SLC24A2: variants seen among roughly 807,000 people sequenced by gnomAD.
SLC24A2 encodes the protein solute carrier family 24 member 2.
SLC24A2 carries 36 observed loss-of-function variants against 62.0 expected under a neutral mutation model. That is an observed-to-expected ratio of 0.58 (90% confidence interval 0.44 to 0.77). The LOEUF is 0.77. Among genes scored for constraint, SLC24A2 ranks in the 30% least tolerant of loss-of-function variants. The probability of loss-of-function intolerance (pLI) is 0.00; values close to 1 mark genes in which losing one functional copy is unlikely to be tolerated. For synonymous variants in SLC24A2, 358 were observed against 294.0 expected (o/e 1.22, Z -2.23); for missense variants, 846 against 817.9 (o/e 1.03, Z -0.42).
chr9:19,709,436 T>C (rs199748995), intron 2 of SLC24A2, among the ~76,000 whole-genome samples: 3 of 152,172 alleles, frequency 2.0e-5, no homozygotes, highest in African/African-American at 7.2e-5. Flanking sequence ...AATCATGCCG[T>C]TATAAAGACA....
chr9:19,708,477 G>C (rs1820604983), intron 2 of SLC24A2, among the ~76,000 whole-genome samples: 1 of 152,142 alleles, frequency 6.6e-6, no homozygotes, highest in African/African-American at 2.4e-5. Flanking sequence ...AACAAAGCTG[G>C]AGCCATCACG....
the SLC24A2 span, among the ~76,000 whole-genome samples, chr9:20,111,517 C>T: frequency 1.3e-5 from 2 of 152,020 alleles, no homozygotes; most frequent in African/African-American, 2.4e-5. Flanking sequence ...TTGAATATGC[C>T]ATCTGTTTCT....
chr9:19,705,610 C>A, intron 2 of SLC24A2: 1 of 228,412 alleles, frequency 4.4e-6, no homozygotes. Context: ...GCTCAAAAGG[C>A]AAAAGAGGAC....
the SLC24A2 span, among the ~76,000 whole-genome samples, chr9:20,152,014 A>G: frequency 2.0e-5 from 3 of 151,918 alleles, no homozygotes; most frequent in African/African-American, 7.2e-5. Context: ...CGACTGAACC[A>G]GGTGTTATTC....
chr9:19,870,565 A>G, the SLC24A2 span, among the ~76,000 whole-genome samples: 4 of 152,096 alleles, frequency 2.6e-5, no homozygotes, highest in African/African-American at 9.7e-5. Context: ...CCTGTGTTTA[A>G]TCTTTTAGAG....
At chr9:19,660,969 C>T (rs913217622) in intron 2 of SLC24A2, among the ~76,000 whole-genome samples, 2 of 152,248 alleles carry the variant, frequency 1.3e-5, no homozygotes, top group South Asian at 2.1e-4. Flanking sequence ...TGTCTGAGCT[C>T]GGACATCCAG....
intron 2 of SLC24A2, among the ~76,000 whole-genome samples, chr9:19,740,883 AAG>A (rs1041058533): frequency 1.3e-5 from 2 of 151,838 alleles, no homozygotes; most frequent in South Asian, 2.1e-4. Flanking sequence ...AAAAAAAAAA[AAG>A]AGAGAGAGAA....
At chr9:20,029,438 C>A in the SLC24A2 span, among the ~76,000 whole-genome samples, 12 of 152,210 alleles carry the variant, frequency 7.9e-5, no homozygotes, top group Non-Finnish European at 1.5e-4. Context: ...GAGGTAAGAA[C>A]TCTTCATAAA....
the SLC24A2 span, among the ~76,000 whole-genome samples, chr9:20,237,970 G>A: frequency 3.9e-5 from 6 of 152,162 alleles, no homozygotes; most frequent in African/African-American, 1.4e-4. Context: ...GAAGGCTTGG[G>A]TGGAGGTGAC....
chr9:19,770,433 T>C (rs1400204532), intron 2 of SLC24A2, among the ~76,000 whole-genome samples: 1 of 152,148 alleles, frequency 6.6e-6, no homozygotes, highest in East Asian at 1.9e-4. Context: ...AGCAATCCTT[T>C]CTATAAAGAC....
At chr9:19,839,108 G>T in the SLC24A2 span, among the ~76,000 whole-genome samples, 1 of 152,104 alleles carries the variant, frequency 6.6e-6, no homozygotes, top group Non-Finnish European at 1.5e-5. Context: ...CTCAAAAGAA[G>T]ACATTTATGC....
At chr9:19,522,310 T>TA (rs762102728) in intron 9 of SLC24A2, among the ~76,000 whole-genome samples, 6 of 152,212 alleles carry the variant, frequency 3.9e-5, no homozygotes, top group Non-Finnish European at 2.9e-5. Context: ...TTGGGACTTT[T>TA]AAAACCTATT....
At chr9:19,877,937 T>A in the SLC24A2 span, among the ~76,000 whole-genome samples, 2 of 152,184 alleles carry the variant, frequency 1.3e-5, no homozygotes, top group African/African-American at 2.4e-5. Context: ...TAAATTTATG[T>A]ATGTGCTTAT....
chr9:19,557,928 T>A (rs981851520), intron 7 of SLC24A2, among the ~76,000 whole-genome samples: 3 of 151,646 alleles, frequency 2.0e-5, no homozygotes, highest in African/African-American at 7.3e-5. Flanking sequence ...CAAGCAATCC[T>A]CCCACTTTAG....
chr9:20,210,855 A>G, the SLC24A2 span, among the ~76,000 whole-genome samples: 63 of 151,624 alleles, frequency 4.2e-4, no homozygotes, highest in South Asian at 4.6e-3. Context: ...GCTTGTAAGC[A>G]AGGAGAGGGG....
the SLC24A2 span, among the ~76,000 whole-genome samples, chr9:20,236,047 C>G: frequency 6.6e-6 from 1 of 152,144 alleles, no homozygotes; most frequent in Non-Finnish European, 1.5e-5. Flanking sequence ...AGAGAAATAA[C>G]TAGATATCGC....
At chr9:19,569,050 C>T (rs1752987005) in intron 7 of SLC24A2, among the ~76,000 whole-genome samples, 2 of 152,148 alleles carry the variant, frequency 1.3e-5, no homozygotes, top group African/African-American at 4.8e-5. Context: ...ACATGAAGAG[C>T]TTCTCATTCC....
intron 2 of SLC24A2, among the ~76,000 whole-genome samples, chr9:19,673,731 T>C (rs527314507): frequency 5.3e-5 from 8 of 152,334 alleles, no homozygotes; most frequent in Non-Finnish European, 8.8e-5. Context: ...ATTACAGGTA[T>C]GAGCCACTGC....
At chr9:20,019,245 GAA>G in the SLC24A2 span, among the ~76,000 whole-genome samples, 2 of 132,024 alleles carry the variant, frequency 1.5e-5, no homozygotes, top group African/African-American at 5.8e-5. Context: ...GAAAAAGAAA[GAA>G]GGAAAGAGAA....
Sources: gnomAD v4.1 joint callset for allele counts (sites outside exome capture counted in the v4.1 genomes callset) on GRCh38, gnomAD v4.1.1 for gene constraint, MANE v1.5 for transcripts, NCBI Gene and HGNC (gene_info 2026-07-23, HGNC 2026-07-21) for gene names.